The following CSMD1 variants were observed in gnomAD, a reference collection of about 807,000 sequenced individuals.
CSMD1 encodes CUB and sushi domain-containing protein 1.
In CSMD1, 213 loss-of-function variants were observed where a neutral mutation model predicts 417.5. That is an observed-to-expected ratio of 0.51 (90% confidence interval 0.46 to 0.57). CSMD1 has a LOEUF of 0.57. CSMD1 is among the 20% of genes least tolerant of loss of function. CSMD1 has a pLI of 0.00. For synonymous variants in CSMD1, 2,862 were observed against 1,736.8 expected, an observed-to-expected ratio of 1.65 and a Z score of -16.11; for missense variants, 6,923 against 4,529.7, an observed-to-expected ratio of 1.53 and a Z score of -15.17.
At chr8:4,704,180 G>T (rs889775605) in intron 1 of CSMD1, among the ~76,000 whole-genome samples, 2 of 152,172 alleles carry the variant, frequency 1.3e-5, no homozygotes, top group Non-Finnish European at 2.9e-5. Context: ...CTATTAACAC[G>T]TAAGTCAAAT....
chr8:4,787,298 C>G, intron 1 of CSMD1: 4 of 688,332 alleles, frequency 5.8e-6, no homozygotes, highest in Non-Finnish European at 8.0e-6. Context: ...CCTCACTTAC[C>G]GGCGCGGTCG....
Position 2,974,513 on chromosome 8 carries a change from C to T in CSMD1, c.8678G>A (p.Gly2893Asp), listed in dbSNP as rs532302924. ...TTCCTGGCACACTCTCGTGTCGTTG[C>T]CTATGAGGCTCTCGCTCCCTCTGCA... is the stretch of plus-strand genomic sequence containing the variant. ...YSCRGSESLI[G>D]NDTRVCQEDS... Residue 2893 changes from glycine to aspartate, a missense_variant, in exon 56 of 70, where the codon GGC becomes GAC. Gly to Asp is a moderately conservative substitution (Grantham distance 94). Transcript: ENST00000635120. 5 of 1,613,666 alleles carry T rather than the reference C, an allele frequency of 3.1e-6. No individual in the cohort carries two copies. The South Asian group carries it at 3.3e-5, about 11-fold the overall frequency.
At chr8:3,484,429 A>C (rs965942046) in intron 11 of CSMD1, among the ~76,000 whole-genome samples, 8 of 152,202 alleles carry the variant, frequency 5.3e-5, no homozygotes, top group Admixed American at 4.6e-4. Context: ...CATATACAAA[A>C]ACTAACTCAA....
At chr8:3,834,036 G>C (rs138550652) in intron 5 of CSMD1, among the ~76,000 whole-genome samples, 1 of 152,160 alleles carries the variant, frequency 6.6e-6, no homozygotes, top group East Asian at 1.9e-4. Context: ...TCTTGACACG[G>C]TCACTAATGT....
intron 1 of CSMD1, among the ~76,000 whole-genome samples, chr8:4,701,856 T>C (rs772454026): frequency 2.0e-5 from 3 of 152,166 alleles, no homozygotes; most frequent in Non-Finnish European, 4.4e-5. Flanking sequence ...CCATTAAGAA[T>C]CAACAGATGC....
At chr8:4,730,709 C>G (rs1809792545) in intron 1 of CSMD1, among the ~76,000 whole-genome samples, 1 of 151,528 alleles carries the variant, frequency 6.6e-6, no homozygotes, top group Admixed American at 6.6e-5. Flanking sequence ...CCACTGCACT[C>G]CAGCCTGGGC....
rs1261105350 is a variant in CSMD1, at chr8:4,265,579, A to C, written c.415+154374T>G. ...CATATACTCCTATGTTTTATGCTAT[A>C]TTTTATGGAATACAAAACAAGGATA... is the stretch of plus-strand genomic sequence containing the variant. On this transcript the variant is annotated intron_variant, in intron 3 of 69. Transcript: ENST00000635120. Among the ~76,000 whole-genome samples, 2 of 105,532 alleles carry C rather than the reference A, an allele frequency of 1.9e-5. 1 individual carries two copies. Among genetic ancestry groups the C allele is most frequent in the Non-Finnish European group, 5.1e-5 (2 of 39,280 alleles). The allele number at this position is 105,532 out of a possible 152,430, so 69.2% of individuals were successfully genotyped here.
At chr8:3,866,364 A>G (rs1313391984) in intron 5 of CSMD1, among the ~76,000 whole-genome samples, 1 of 152,218 alleles carries the variant, frequency 6.6e-6, no homozygotes, top group Non-Finnish European at 1.5e-5. Flanking sequence ...GGAATACAGA[A>G]CATTCATGTA....
chr8:3,607,679 A>G (rs2117115577), intron 8 of CSMD1, among the ~76,000 whole-genome samples: 1 of 152,338 alleles, frequency 6.6e-6, no homozygotes, highest in South Asian at 2.1e-4. Flanking sequence ...ATGACTGGAT[A>G]TTCTATTTAC....
intron 2 of CSMD1, among the ~76,000 whole-genome samples, chr8:4,592,217 T>C (rs893207539): frequency 6.6e-6 from 1 of 151,388 alleles, no homozygotes; most frequent in Non-Finnish European, 1.5e-5. Flanking sequence ...CTTCCTTTAA[T>C]TGTGCCTCTT....
At chr8:4,067,717 G>A (rs763498863) in intron 3 of CSMD1, among the ~76,000 whole-genome samples, 1 of 152,192 alleles carries the variant, frequency 6.6e-6, no homozygotes, top group African/African-American at 2.4e-5. Flanking sequence ...GTTAGATAGT[G>A]TAATTTGATA....
intron 1 of CSMD1, among the ~76,000 whole-genome samples, chr8:4,706,364 A>C (rs1446214966): frequency 1.3e-5 from 2 of 152,114 alleles, no homozygotes; most frequent in African/African-American, 2.4e-5. Context: ...TATACTCCAT[A>C]CTGAATTAGA....
At chr8:4,345,756 T>C (rs925922639) in intron 3 of CSMD1, among the ~76,000 whole-genome samples, 2 of 152,114 alleles carry the variant, frequency 1.3e-5, no homozygotes, top group African/African-American at 4.8e-5. Flanking sequence ...TATAATGTGC[T>C]ATCATCTCAA....
At chr8:3,763,078 G>C (rs539868880) in intron 5 of CSMD1, among the ~76,000 whole-genome samples, 1 of 152,032 alleles carries the variant, frequency 6.6e-6, no homozygotes, top group African/African-American at 2.4e-5. Flanking sequence ...CTATTCTCAC[G>C]GTCTCTCTGG....
chr8:4,486,665 TG>T (rs1366106431), intron 2 of CSMD1, among the ~76,000 whole-genome samples: 17 of 152,076 alleles, frequency 1.1e-4, no homozygotes, highest in African/African-American at 3.4e-4. Context: ...ATGGGGAAAC[TG>T]AAGTTTGGCC....
chr8:3,841,256 T>C (rs1210592177), intron 5 of CSMD1, among the ~76,000 whole-genome samples: 2 of 152,190 alleles, frequency 1.3e-5, no homozygotes, highest in Non-Finnish European at 2.9e-5. Context: ...TTTTAAATAG[T>C]TCATGAGCTT....
chr8:4,662,336 G>T (rs1251722964), intron 1 of CSMD1, among the ~76,000 whole-genome samples: 1 of 152,136 alleles, frequency 6.6e-6, no homozygotes, highest in African/African-American at 2.4e-5. Flanking sequence ...ATGAGGGAAA[G>T]CAGAGGGGGC....
chr8:4,931,127 T>C (rs569786780), intron 1 of CSMD1, among the ~76,000 whole-genome samples: 4 of 152,346 alleles, frequency 2.6e-5, no homozygotes, highest in South Asian at 2.1e-4. Context: ...CCTGATATGA[T>C]TGGTTTTATT....
intron 68 of CSMD1, among the ~76,000 whole-genome samples, chr8:2,946,870 C>T (rs936954876): frequency 5.3e-5 from 8 of 152,142 alleles, no homozygotes; most frequent in Admixed American, 2.6e-4. Flanking sequence ...CCAGTTCCTC[C>T]GCCTCCTTGC....
Sources: allele counts gnomAD v4.1 joint callset (sites outside exome capture counted in the v4.1 genomes callset), GRCh38; gene constraint gnomAD v4.1.1; transcripts MANE v1.5; gene names NCBI Gene and HGNC (gene_info 2026-07-23, HGNC 2026-07-21).